CCSER1: variants seen among roughly 807,000 people sequenced by gnomAD.
The protein encoded by CCSER1 is coiled-coil serine rich protein 1, also known as serine-rich coiled-coil domain-containing protein 1.
In CCSER1, 41 loss-of-function variants were observed where a neutral mutation model predicts 82.0. The ratio of observed to expected loss-of-function variants is 0.50; its 90% confidence interval spans 0.39 to 0.65. The LOEUF (loss-of-function observed/expected upper bound fraction) is 0.65. Ranked by LOEUF, CCSER1 falls within the 30% of genes least tolerant of loss-of-function variation. The probability of loss-of-function intolerance (pLI) is 0.00; values close to 1 mark genes in which losing one functional copy is unlikely to be tolerated. For missense variants in CCSER1, 1,119 were observed against 1,064.2 expected, an observed-to-expected ratio of 1.05 and a Z score of -0.72; for synonymous variants, 414 against 383.9, an observed-to-expected ratio of 1.08 and a Z score of -0.92.
At chr4:91,094,813 G>A (rs1048930010) in intron 10 of CCSER1, among the ~76,000 whole-genome samples, 2 of 152,064 alleles carry the variant, frequency 1.3e-5, no homozygotes, top group Non-Finnish European at 2.9e-5. Flanking sequence ...CTTCTCAGGG[G>A]ACTGTAAGGG....
intron 1 of CCSER1, among the ~76,000 whole-genome samples, chr4:90,272,317 C>T (rs1578876181): frequency 6.6e-6 from 1 of 152,128 alleles, no homozygotes; most frequent in Non-Finnish European, 1.5e-5. Context: ...TGTTCAGTAT[C>T]ATTAATCATC....
At chr4:91,263,040 C>A (rs143636726) in intron 10 of CCSER1, among the ~76,000 whole-genome samples, 1 of 151,856 alleles carries the variant, frequency 6.6e-6, no homozygotes, top group Non-Finnish European at 1.5e-5. Context: ...ACCTAGCCCA[C>A]GGGAATTTTG....
At chr4:91,091,766 G>A (rs982795909) in intron 10 of CCSER1, among the ~76,000 whole-genome samples, 2 of 152,138 alleles carry the variant, frequency 1.3e-5, no homozygotes, top group Non-Finnish European at 2.9e-5. Context: ...GAGTGGTCAG[G>A]ATAACGGTCT....
At chr4:91,090,455 G>C (rs895722348) in intron 10 of CCSER1, among the ~76,000 whole-genome samples, 4 of 152,170 alleles carry the variant, frequency 2.6e-5, no homozygotes, top group Admixed American at 1.3e-4. Flanking sequence ...AACTGTTTTT[G>C]TGGTACCATT....
chr4:90,459,553 G>C (rs1186755026), intron 4 of CCSER1, among the ~76,000 whole-genome samples: 2 of 151,914 alleles, frequency 1.3e-5, no homozygotes, highest in Admixed American at 6.6e-5. Context: ...TCTCCTGATG[G>C]CTTCTTTCTG....
intron 1 of CCSER1, among the ~76,000 whole-genome samples, chr4:90,259,841 T>G (rs568104541): frequency 6.6e-6 from 1 of 152,302 alleles, no homozygotes; most frequent in East Asian, 1.9e-4. Context: ...ATTTTGATCA[T>G]CCACCAGCTG....
intron 8 of CCSER1, among the ~76,000 whole-genome samples, chr4:90,892,946 G>A (rs1723163691): frequency 6.6e-6 from 1 of 151,982 alleles, no homozygotes; most frequent in Non-Finnish European, 1.5e-5. Context: ...TTAGATTGCT[G>A]TATTAATACT....
intron 9 of CCSER1, among the ~76,000 whole-genome samples, chr4:91,009,044 T>A (rs1214212943): frequency 6.6e-6 from 1 of 152,104 alleles, no homozygotes; most frequent in East Asian, 1.9e-4. Context: ...CGGCAATGGG[T>A]GCCTCCCCGG....
intron 7 of CCSER1, among the ~76,000 whole-genome samples, chr4:90,763,700 C>T (rs75004544): frequency 0.01 from 1,591 of 152,240 alleles, 30 homozygotes; most frequent in African/African-American, 0.036. Context: ...TTGGGAAGAA[C>T]TAGAAACTCC....
At chr4:90,777,416 T>G (rs1753066711) in intron 7 of CCSER1, among the ~76,000 whole-genome samples, 1 of 149,494 alleles carries the variant, frequency 6.7e-6, no homozygotes, top group Admixed American at 6.6e-5. Context: ...GACCTCACAC[T>G]TAGTACTTCC....
chr4:91,108,084 A>G (rs1243347223), intron 10 of CCSER1: 3 of 152,212 alleles, frequency 2.0e-5, no homozygotes, highest in Non-Finnish European at 2.9e-5. Flanking sequence ...TCTTTCATTG[A>G]TTAAAAGCAA....
At chr4:90,885,076 TA>T (rs1487449391) in intron 8 of CCSER1, among the ~76,000 whole-genome samples, 4 of 152,136 alleles carry the variant, frequency 2.6e-5, no homozygotes. Flanking sequence ...GAACTAAAGG[TA>T]AAATGTTGTA....
At position 91,403,246 on chromosome 4, in the gene CCSER1, G is replaced by A. The variant is rs185820690; in HGVS notation, c.2218-195326G>A. Among the ~76,000 whole-genome samples, 434 of 152,284 alleles carry A rather than the reference G, an allele frequency of 2.8e-3. 1 individual carries two copies. The highest frequency in any genetic ancestry group is 0.01 in the African/African-American group (418 of 41,562). ...CTTGTGATTTTTGTACGTTGATTTT[G>A]TATCCTGAGACTTTGCTGAAGTCGC... On this transcript the variant is annotated intron_variant, in intron 10 of 10. Transcript: ENST00000509176.
At chr4:91,582,214 G>T (rs779570190) in intron 10 of CCSER1, among the ~76,000 whole-genome samples, 4 of 151,634 alleles carry the variant, frequency 2.6e-5, no homozygotes, top group Non-Finnish European at 4.4e-5. Context: ...TAGGCAAGAA[G>T]AAGTTTGTGC....
chr4:91,552,031 G>T (rs906175036), intron 10 of CCSER1, among the ~76,000 whole-genome samples: 1 of 151,486 alleles, frequency 6.6e-6, no homozygotes, highest in Non-Finnish European at 1.5e-5. Flanking sequence ...AATTAGTATT[G>T]TCTTTTCATT....
intron 8 of CCSER1, among the ~76,000 whole-genome samples, chr4:90,830,067 C>G (rs1460027923): frequency 1.3e-5 from 2 of 152,208 alleles, no homozygotes; most frequent in Non-Finnish European, 2.9e-5. Flanking sequence ...CTCTCCCTGA[C>G]AGCCAAATTA....
At chr4:90,805,453 GA>G (rs1344981182) in intron 7 of CCSER1, among the ~76,000 whole-genome samples, 4 of 152,198 alleles carry the variant, frequency 2.6e-5, no homozygotes, top group African/African-American at 9.7e-5. Flanking sequence ...AGTAACCTCA[GA>G]AGGAGCATTA....
At chr4:90,358,487 C>A (rs1359502394) in intron 3 of CCSER1, among the ~76,000 whole-genome samples, 1 of 152,028 alleles carries the variant, frequency 6.6e-6, no homozygotes, top group Non-Finnish European at 1.5e-5. Flanking sequence ...CAAAATAATT[C>A]TCAGTAAATG....
intron 9 of CCSER1, among the ~76,000 whole-genome samples, chr4:91,018,484 GA>G (rs940989632): frequency 6.6e-6 from 1 of 152,106 alleles, no homozygotes; most frequent in African/African-American, 2.4e-5. Flanking sequence ...TTAGCAGGCA[GA>G]GTCATCTTAG....
Sources: gnomAD v4.1 joint callset for allele counts (sites outside exome capture counted in the v4.1 genomes callset) on GRCh38, gnomAD v4.1.1 for gene constraint, MANE v1.5 for transcripts, NCBI Gene and HGNC (gene_info 2026-07-23, HGNC 2026-07-21) for gene names.